The following CNTN5 variants were observed in gnomAD, a reference collection of about 807,000 sequenced individuals.
The protein encoded by CNTN5 is contactin-5.
A neutral mutation model predicts 129.1 loss-of-function variants in CNTN5; 77 were observed. That is an observed-to-expected ratio of 0.60 (90% CI 0.50 to 0.72). The LOEUF is 0.72. CNTN5 is among the 30% of genes least tolerant of loss of function. The pLI is 0.00. For synonymous variants in CNTN5, 509 were observed against 465.6 expected (o/e 1.09, Z -1.20); for missense variants, 1,478 against 1,328.8 (o/e 1.11, Z -1.75).
chr11:99,766,056 A>G (rs1294907966), intron 3 of CNTN5, among the ~76,000 whole-genome samples: 1 of 152,070 alleles, frequency 6.6e-6, no homozygotes, highest in African/African-American at 2.4e-5. Flanking sequence ...TCTGGTAATC[A>G]AATGTTATTG....
chr11:99,631,484 G>A (rs1220085835), intron 3 of CNTN5, among the ~76,000 whole-genome samples: 1 of 151,832 alleles, frequency 6.6e-6, no homozygotes, highest in Admixed American at 6.6e-5. Context: ...TAATTATAAT[G>A]CTGAAAATTG....
At chr11:100,223,517 G>A (rs1231631840) in intron 15 of CNTN5, among the ~76,000 whole-genome samples, 1 of 151,990 alleles carries the variant, frequency 6.6e-6, no homozygotes, top group Non-Finnish European at 1.5e-5. Context: ...AAAACCCATT[G>A]GTCTATCTCA....
Position 99,258,395 on chromosome 11 carries a change from T to G in CNTN5, c.-209-66951T>G, listed in dbSNP as rs553179853. On this transcript the variant is annotated intron_variant, in intron 1 of 24. Coordinates refer to ENST00000524871, the MANE Select transcript of CNTN5 (RefSeq NM_014361.4). ...CCCACTTAAAAGTGAGAACATGCTATATTTGGTTTTCTGTCCCTGCACAAA... is the reference window on the plus strand; with the variant it reads ...CCCACTTAAAAGTGAGAACATGCTAGATTTGGTTTTCTGTCCCTGCACAAA... Among the ~76,000 whole-genome samples, 8 of 152,220 alleles carry G rather than the reference T, an allele frequency of 5.3e-5. No individual in the cohort carries two copies. The East Asian group carries it at 1.5e-3, about 29-fold the overall frequency.
intron 1 of CNTN5, among the ~76,000 whole-genome samples, chr11:99,127,747 A>G (rs535695641): frequency 9.9e-5 from 15 of 152,186 alleles, no homozygotes; most frequent in Admixed American, 4.6e-4. Flanking sequence ...CAAGATATCC[A>G]TTATATGCCA....
At chr11:99,873,681 C>T (rs548792770) in intron 6 of CNTN5, among the ~76,000 whole-genome samples, 3 of 152,212 alleles carry the variant, frequency 2.0e-5, no homozygotes, top group Admixed American at 6.5e-5. Context: ...AATAGAACTA[C>T]CATTCAATCT....
chr11:99,212,525 T>A (rs1859856651), intron 1 of CNTN5, among the ~76,000 whole-genome samples: 1 of 152,168 alleles, frequency 6.6e-6, no homozygotes, highest in Non-Finnish European at 1.5e-5. Context: ...TATATTCTAC[T>A]TCTTTTAGCT....
intron 1 of CNTN5, among the ~76,000 whole-genome samples, chr11:99,102,292 C>G (rs1866772626): frequency 6.7e-6 from 1 of 150,078 alleles, no homozygotes; most frequent in Non-Finnish European, 1.5e-5. Flanking sequence ...CTGACATGCC[C>G]TGGAGACATT....
At chr11:100,152,199 G>A (rs953070617) in intron 13 of CNTN5, among the ~76,000 whole-genome samples, 1 of 152,032 alleles carries the variant, frequency 6.6e-6, no homozygotes, top group Admixed American at 6.6e-5. Flanking sequence ...AACCCCAAAG[G>A]CTTCTTCCAC....
chr11:99,844,688 A>T, intron 4 of CNTN5, 164 bp from the exon 5 acceptor site: 1 of 631,180 alleles, frequency 1.6e-6, no homozygotes, highest in Non-Finnish European at 2.7e-6. Flanking sequence ...TTTACAATTT[A>T]ATAAAACAAT....
intron 8 of CNTN5, among the ~76,000 whole-genome samples, chr11:99,985,884 T>C (rs1938642168): frequency 6.6e-6 from 1 of 152,198 alleles, no homozygotes; most frequent in South Asian, 2.1e-4. Flanking sequence ...TCTCAGTTTC[T>C]TTACCTCCAA....
intron 1 of CNTN5, among the ~76,000 whole-genome samples, chr11:99,191,985 T>A (rs1027129179): frequency 4.0e-5 from 6 of 151,594 alleles, no homozygotes; most frequent in African/African-American, 1.5e-4. Flanking sequence ...ACAGAAACTA[T>A]AAAAATAATA....
At chr11:100,337,024 A>G in intron 21 of CNTN5, 1 of 886,826 alleles carries the variant, frequency 1.1e-6, no homozygotes, top group Non-Finnish European at 1.9e-6. Context: ...GCTTTCTGCC[A>G]CTTTGATTGA....
intron 16 of CNTN5, among the ~76,000 whole-genome samples, chr11:100,233,793 A>G (rs1026994181): frequency 2.6e-5 from 4 of 152,154 alleles, no homozygotes; most frequent in Admixed American, 6.5e-5. Flanking sequence ...GTCTTTGCCC[A>G]TGCCCAGATG....
At chr11:99,776,800 AC>A (rs1485254361) in intron 3 of CNTN5, among the ~76,000 whole-genome samples, 1 of 151,760 alleles carries the variant, frequency 6.6e-6, no homozygotes, top group Non-Finnish European at 1.5e-5. Context: ...TAAAAAAAAA[AC>A]TATTCAAAAG....
intron 3 of CNTN5, among the ~76,000 whole-genome samples, chr11:99,660,293 T>C (rs149528987): frequency 6.6e-6 from 1 of 152,216 alleles, no homozygotes; most frequent in African/African-American, 2.4e-5. Context: ...TAATTTATAG[T>C]GACAGAAAGC....
intron 3 of CNTN5, among the ~76,000 whole-genome samples, chr11:99,625,415 T>A (rs1289681942): frequency 6.6e-6 from 1 of 152,190 alleles, no homozygotes; most frequent in Non-Finnish European, 1.5e-5. Flanking sequence ...AACATAATTC[T>A]TTCCCCGTCA....
At position 99,695,387 on chromosome 11, in the gene CNTN5, C is replaced by G. The variant is rs1954225161; in HGVS notation, c.56-124157C>G. Among the ~76,000 whole-genome samples, 17 of 151,882 alleles carry G rather than the reference C, an allele frequency of 1.1e-4. 1 individual carries two copies. Among genetic ancestry groups the G allele is most frequent in the Admixed American group, 1.1e-3 (17 of 15,228 alleles). ...ATATTTTCAAATGTCTGAATTAGAT[C>G]CATGTGAAGATAGACACCAGGGTGT... is the stretch of plus-strand genomic sequence containing the variant. On this transcript the variant is annotated intron_variant, in intron 3 of 24. Coordinates refer to ENST00000524871, the MANE Select transcript of CNTN5 (RefSeq NM_014361.4).
intron 3 of CNTN5, among the ~76,000 whole-genome samples, chr11:99,710,423 G>A (rs1300644826): frequency 1.3e-5 from 2 of 151,818 alleles, no homozygotes; most frequent in African/African-American, 4.8e-5. Flanking sequence ...AGTTAAGGGT[G>A]TGTGTCTGTT....
chr11:100,257,023 A>G (rs1252851822), intron 17 of CNTN5, among the ~76,000 whole-genome samples: 1 of 152,080 alleles, frequency 6.6e-6, no homozygotes, highest in Non-Finnish European at 1.5e-5. Context: ...TCCCACCCCC[A>G]TGGAGCCCAG....
Sources: allele counts gnomAD v4.1 joint callset (sites outside exome capture counted in the v4.1 genomes callset), GRCh38; gene constraint gnomAD v4.1.1; transcripts MANE v1.5; gene names NCBI Gene and HGNC (gene_info 2026-07-23, HGNC 2026-07-21).